LRRTM4: variants seen among roughly 807,000 people sequenced by gnomAD.
LRRTM4 encodes the protein leucine-rich repeat transmembrane neuronal protein 4.
LRRTM4 carries 25 observed loss-of-function variants against 47.6 expected under a neutral mutation model. The observed-to-expected ratio is 0.53, with a 90% CI of 0.38 to 0.73. The LOEUF (loss-of-function observed/expected upper bound fraction) is 0.73. LRRTM4 is among the 30% of genes least tolerant of loss of function. LRRTM4 has a pLI of 0.00. For synonymous variants in LRRTM4, 311 were observed against 269.5 expected (o/e 1.15, Z -1.51); for missense variants, 638 against 713.4 (o/e 0.89, Z 1.20).
At chr2:77,116,556 T>C (rs1671394208) in intron 3 of LRRTM4, among the ~76,000 whole-genome samples, 1 of 152,156 alleles carries the variant, frequency 6.6e-6, no homozygotes, top group South Asian at 2.1e-4. Flanking sequence ...ACAATGAACA[T>C]AATCAACTAT....
intron 3 of LRRTM4, among the ~76,000 whole-genome samples, chr2:76,969,462 A>G (rs1265011094): frequency 6.6e-6 from 1 of 151,922 alleles, no homozygotes; most frequent in East Asian, 2.0e-4. Flanking sequence ...GTAAGAGCAG[A>G]TCTAACTTTA....
chr2:76,759,878 T>C (rs1673189550), intron 3 of LRRTM4, among the ~76,000 whole-genome samples: 1 of 152,152 alleles, frequency 6.6e-6, no homozygotes, highest in Non-Finnish European at 1.5e-5. Context: ...ATGTAAACCA[T>C]TTCCTGTTTC....
intron 3 of LRRTM4, among the ~76,000 whole-genome samples, chr2:76,752,163 CAG>C (rs1672872120): frequency 6.6e-6 from 1 of 152,106 alleles, no homozygotes; most frequent in African/African-American, 2.4e-5. Context: ...GAGATGAAAT[CAG>C]GGCCTTAGGG....
chr2:76,874,165 C>A (rs1160736024), intron 3 of LRRTM4, among the ~76,000 whole-genome samples: 1 of 151,564 alleles, frequency 6.6e-6, no homozygotes, highest in Non-Finnish European at 1.5e-5. Context: ...CTGGAGCATT[C>A]CTCCAATCAC....
intron 3 of LRRTM4, among the ~76,000 whole-genome samples, chr2:77,089,568 G>C (rs1680858777): frequency 6.6e-6 from 1 of 151,588 alleles, no homozygotes; most frequent in South Asian, 2.1e-4. Flanking sequence ...TGGAAGGTAA[G>C]AACCCCCGAA....
At chr2:77,087,917 C>G (rs1291826776) in intron 3 of LRRTM4, among the ~76,000 whole-genome samples, 1 of 151,946 alleles carries the variant, frequency 6.6e-6, no homozygotes, top group Non-Finnish European at 1.5e-5. Flanking sequence ...ATGTCTTTGC[C>G]AAGGTTCCCT....
intron 3 of LRRTM4, among the ~76,000 whole-genome samples, chr2:77,219,441 T>C (rs1294345498): frequency 6.6e-6 from 1 of 152,162 alleles, no homozygotes; most frequent in Non-Finnish European, 1.5e-5. Context: ...AGAGCACTCC[T>C]TCATATCAGG....
chr2:76,780,543 G>A (rs945103179), intron 3 of LRRTM4, among the ~76,000 whole-genome samples: 1 of 151,796 alleles, frequency 6.6e-6, no homozygotes, highest in Non-Finnish European at 1.5e-5. Context: ...TTTTCCAGTT[G>A]ATCGCATCGG....
chr2:77,172,116 A>T (rs1673065068), intron 3 of LRRTM4, among the ~76,000 whole-genome samples: 1 of 152,192 alleles, frequency 6.6e-6, no homozygotes, highest in South Asian at 2.1e-4. Context: ...AAATTTTAAG[A>T]AATATTCTTC....
chr2:76,842,525 C>A (rs1308478392), intron 3 of LRRTM4, among the ~76,000 whole-genome samples: 1 of 152,058 alleles, frequency 6.6e-6, no homozygotes, highest in Non-Finnish European at 1.5e-5. Context: ...CTTGGACTAG[C>A]CTACTTTAAA....
At chr2:77,479,029 G>C (rs1020367657) in intron 3 of LRRTM4, among the ~76,000 whole-genome samples, 1 of 151,920 alleles carries the variant, frequency 6.6e-6, no homozygotes, top group African/African-American at 2.4e-5. Flanking sequence ...TGAGTAGCTG[G>C]GATTATAGGC....
chr2:77,262,788 A>G (rs767832727), intron 3 of LRRTM4, among the ~76,000 whole-genome samples: 1 of 152,028 alleles, frequency 6.6e-6, no homozygotes, highest in Non-Finnish European at 1.5e-5. Context: ...CAATATTGCG[A>G]CTTATATAAT....
At chr2:77,041,061 C>T (rs568963016) in intron 3 of LRRTM4, among the ~76,000 whole-genome samples, 2 of 151,352 alleles carry the variant, frequency 1.3e-5, no homozygotes, top group Admixed American at 6.6e-5. Context: ...CATCAACCAA[C>T]CCCTCCCCAC....
At chr2:77,319,342 G>A (rs1423711924) in intron 3 of LRRTM4, among the ~76,000 whole-genome samples, 2 of 151,770 alleles carry the variant, frequency 1.3e-5, no homozygotes, top group East Asian at 3.9e-4. Flanking sequence ...AGCCGAGATC[G>A]CGCCACTGCA....
At chr2:76,915,978 G>A (rs1573308724) in intron 3 of LRRTM4, among the ~76,000 whole-genome samples, 1 of 152,056 alleles carries the variant, frequency 6.6e-6, no homozygotes, top group Non-Finnish European at 1.5e-5. Flanking sequence ...CCATAGATTA[G>A]TTACTGGAAA....
intron 3 of LRRTM4, among the ~76,000 whole-genome samples, chr2:77,341,695 A>G (rs1351985470): frequency 6.6e-6 from 1 of 152,060 alleles, no homozygotes; most frequent in African/African-American, 2.4e-5. Context: ...AGAGACTTCT[A>G]TGGTAAAATA....
At chr2:77,082,397 C>G (rs963206107) in intron 3 of LRRTM4, among the ~76,000 whole-genome samples, 1 of 151,958 alleles carries the variant, frequency 6.6e-6, no homozygotes. Context: ...GTATTTTGTT[C>G]TTTTCATAAG....
chr2:76,961,184 T>C (rs1040238108), intron 3 of LRRTM4, among the ~76,000 whole-genome samples: 10 of 151,414 alleles, frequency 6.6e-5, no homozygotes, highest in African/African-American at 2.4e-4. Flanking sequence ...TTGTAAAAAG[T>C]GCTGTTTATC....
chr2:77,012,941 T>C (rs1016587238), intron 3 of LRRTM4, among the ~76,000 whole-genome samples: 3 of 152,200 alleles, frequency 2.0e-5, no homozygotes, highest in African/African-American at 4.8e-5. Context: ...TGTAGGCCTA[T>C]GGCACATCCT....
Sources: gnomAD v4.1 joint callset for allele counts (sites outside exome capture counted in the v4.1 genomes callset) on GRCh38, gnomAD v4.1.1 for gene constraint, MANE v1.5 for transcripts, NCBI Gene and HGNC (gene_info 2026-07-23, HGNC 2026-07-21) for gene names.